Variants in SPAG16 observed in about 807,000 individuals in gnomAD.
SPAG16 encodes sperm-associated antigen 16 protein.
In SPAG16, 86 loss-of-function variants were observed where a neutral mutation model predicts 80.4. That is an observed-to-expected ratio of 1.07 (90% CI 0.90 to 1.28). The LOEUF (loss-of-function observed/expected upper bound fraction) is 1.28, where lower values mean the gene tolerates loss of function less well. Among genes scored for constraint, SPAG16 ranks in the 50% most tolerant of loss-of-function variants. The probability of loss-of-function intolerance (pLI) is 0.00; values close to 1 mark genes in which losing one functional copy is unlikely to be tolerated. For missense variants in SPAG16, 870 were observed against 765.3 expected (o/e 1.14, Z -1.61); for synonymous variants, 294 against 265.9 (o/e 1.11, Z -1.03).
chr2:213,837,174 A>G (rs1353381969), intron 10 of SPAG16, among the ~76,000 whole-genome samples: 2 of 152,202 alleles, frequency 1.3e-5, no homozygotes, highest in African/African-American at 4.8e-5. Flanking sequence ...CATGAAATAT[A>G]TTTATGTATC....
At chr2:214,250,649 CTATTTATATATTATA>C (rs976564930) in intron 15 of SPAG16, among the ~76,000 whole-genome samples, 6 of 139,088 alleles carry the variant, frequency 4.3e-5, no homozygotes, top group South Asian at 2.2e-4. Flanking sequence ...TTATATATTT[CTATTTATATATTATA>C]TATTTATATA....
intron 10 of SPAG16, among the ~76,000 whole-genome samples, chr2:213,604,854 C>A (rs1449607312): frequency 6.6e-6 from 1 of 151,078 alleles, no homozygotes; most frequent in Non-Finnish European, 1.5e-5. Flanking sequence ...ACATTCTATT[C>A]CAGCTACCTT....
chr2:214,259,098 T>A (rs920364817), intron 15 of SPAG16, among the ~76,000 whole-genome samples: 8 of 151,920 alleles, frequency 5.3e-5, no homozygotes, highest in Non-Finnish European at 1.2e-4. Context: ...TATATCATTT[T>A]TATTTGTATT....
Position 213,317,289 on chromosome 2 carries a change from A to G in SPAG16, c.469A>G (p.Ile157Val), listed in dbSNP as rs2063437368. ...VGNVPDVYTQIMLLENENKNL... is the reference protein window; with the variant it reads ...VGNVPDVYTQVMLLENENKNL... ...GAATGTTCCAGATGTCTACACCCAG[A>G]TTATGCTTTTGGAAAATGAGAACAA... The change falls in exon 5 of 16, where the codon ATT (isoleucine) becomes GTT (valine). Residue 157 changes from isoleucine to valine, a missense_variant. Coordinates refer to ENST00000331683, the MANE Select transcript of SPAG16 (RefSeq NM_024532.5). 1 of 1,611,310 alleles carries G rather than the reference A, an allele frequency of 6.2e-7. No individual in the cohort carries two copies. The highest frequency in any genetic ancestry group is 8.5e-7 in the Non-Finnish European group (1 of 1,178,322).
intron 15 of SPAG16, among the ~76,000 whole-genome samples, chr2:214,252,333 A>G (rs1442650701): frequency 6.6e-6 from 1 of 151,972 alleles, no homozygotes; most frequent in Non-Finnish European, 1.5e-5. Flanking sequence ...TCTGGGGTAC[A>G]TGTGCAGAAC....
chr2:214,129,570 A>T (rs1383226455), intron 14 of SPAG16, among the ~76,000 whole-genome samples: 1 of 152,162 alleles, frequency 6.6e-6, no homozygotes, highest in Admixed American at 6.6e-5. Flanking sequence ...TAATAATAGC[A>T]TTATTTTTAA....
chr2:214,037,382 T>C (rs1436460436), intron 13 of SPAG16, among the ~76,000 whole-genome samples: 1 of 152,064 alleles, frequency 6.6e-6, no homozygotes, highest in East Asian at 1.9e-4. Flanking sequence ...AATCTGTTTT[T>C]TGTTATTAGA....
At chr2:213,327,137 T>C (rs1254789971) in intron 5 of SPAG16, among the ~76,000 whole-genome samples, 1 of 142,636 alleles carries the variant, frequency 7.0e-6, no homozygotes, top group Non-Finnish European at 1.5e-5. Flanking sequence ...AACAGCGTTG[T>C]ACTTGAAACA....
At chr2:213,387,151 T>C (rs17693815) in intron 9 of SPAG16, among the ~76,000 whole-genome samples, 2,263 of 152,106 alleles carry the variant, frequency 0.015, 29 homozygotes, top group South Asian at 0.037. Flanking sequence ...GATCAAATGG[T>C]ATCCACTGTA....
At chr2:214,390,248 C>G (rs1312385796) in intron 15 of SPAG16, among the ~76,000 whole-genome samples, 2 of 150,664 alleles carry the variant, frequency 1.3e-5, no homozygotes, top group Non-Finnish European at 2.9e-5. Flanking sequence ...ATGTTTTACT[C>G]TAACTCTGTA....
chr2:213,350,688 AT>A (rs766050831), intron 7 of SPAG16, 43 bp downstream of exon 7: 17 of 1,133,886 alleles, frequency 1.5e-5, no homozygotes, highest in South Asian at 3.1e-5. Context: ...TCTTTTAATC[AT>A]TTTTTTAATA....
intron 10 of SPAG16, among the ~76,000 whole-genome samples, chr2:213,836,456 T>C (rs1190220381): frequency 6.6e-6 from 1 of 152,162 alleles, no homozygotes; most frequent in Admixed American, 6.5e-5. Context: ...TTATTTTGCA[T>C]TTGCATTGGT....
chr2:214,054,533 A>T (rs1374558801), intron 13 of SPAG16, among the ~76,000 whole-genome samples: 1 of 152,312 alleles, frequency 6.6e-6, no homozygotes, highest in East Asian at 1.9e-4. Flanking sequence ...TCTGAGGCCT[A>T]ACAGACCCCA....
At chr2:213,919,525 A>C (rs2078115081) in intron 11 of SPAG16, among the ~76,000 whole-genome samples, 1 of 152,030 alleles carries the variant, frequency 6.6e-6, no homozygotes, top group Non-Finnish European at 1.5e-5. Context: ...TTACTTCTTG[A>C]TTTCTGCTTT....
intron 5 of SPAG16, among the ~76,000 whole-genome samples, chr2:213,322,848 A>G (rs573937725): frequency 7.9e-4 from 121 of 152,296 alleles, no homozygotes; most frequent in African/African-American, 2.3e-3. Context: ...AACTTGGGAA[A>G]ATGGAATTCC....
At position 213,545,858 on chromosome 2, in the gene SPAG16, C is replaced by T. The variant is rs2076594679; in HGVS notation, c.1070+55768C>T. 4.6e-5 allele frequency among the ~76,000 whole-genome samples: 7 copies of T among 152,016 alleles called. 1 individual carries two copies. The South Asian group carries it at 1.2e-3, about 27-fold the overall frequency. ...CTGGAGAATGCCAAATGTTGATGTC[C>T]ATAGGTCTTTTCTCTCTGTAGAGAA... is the stretch of plus-strand genomic sequence containing the variant. On this transcript the variant is annotated intron_variant, in intron 10 of 15. Coordinates refer to ENST00000331683, the MANE Select transcript of SPAG16 (RefSeq NM_024532.5).
At chr2:213,306,775 C>T (rs1017086089) in intron 3 of SPAG16, among the ~76,000 whole-genome samples, 2 of 152,106 alleles carry the variant, frequency 1.3e-5, no homozygotes, top group African/African-American at 4.8e-5. Context: ...TACAGTCTCC[C>T]TCCCACAGGA....
At chr2:213,310,784 T>C (rs1241799616) in intron 4 of SPAG16, among the ~76,000 whole-genome samples, 2 of 151,884 alleles carry the variant, frequency 1.3e-5, no homozygotes, top group Admixed American at 6.6e-5. Flanking sequence ...TCCTTTGTTA[T>C]AATAATAATG....
intron 9 of SPAG16, among the ~76,000 whole-genome samples, chr2:213,471,218 C>T (rs1238788457): frequency 6.6e-6 from 1 of 152,138 alleles, no homozygotes; most frequent in Non-Finnish European, 1.5e-5. Context: ...AGGTAACTCC[C>T]CATGAAGCCA....
Sources: allele counts gnomAD v4.1 joint callset (sites outside exome capture counted in the v4.1 genomes callset), GRCh38; gene constraint gnomAD v4.1.1; transcripts MANE v1.5; gene names NCBI Gene and HGNC (gene_info 2026-07-23, HGNC 2026-07-21).